RNF38: variants seen among roughly 807,000 people sequenced by gnomAD.
RNF38 encodes the protein E3 ubiquitin-protein ligase RNF38.
Under a neutral mutation model 67.2 loss-of-function variants are expected in RNF38, and 15 were observed. The observed-to-expected ratio is 0.22, with a 90% CI of 0.15 to 0.34. RNF38 has a LOEUF of 0.34. RNF38 is among the 10% of genes least tolerant of loss of function. The pLI is 1.00. For synonymous variants in RNF38, 220 were observed against 218.8 expected (o/e 1.01, Z -0.05); for missense variants, 524 against 639.9 (o/e 0.82, Z 1.95).
chr9:36,369,515 C>A (rs1835218488), intron 4 of RNF38, among the ~76,000 whole-genome samples: 1 of 152,086 alleles, frequency 6.6e-6, no homozygotes, highest in Non-Finnish European at 1.5e-5. Context: ...CCGTGCTGGG[C>A]CGATACTAAT....
At chr9:36,409,291 G>T (rs753606754) in intron 2 of RNF38, among the ~76,000 whole-genome samples, 5 of 145,466 alleles carry the variant, frequency 3.4e-5, no homozygotes, top group Non-Finnish European at 4.6e-5. Flanking sequence ...AGAAAGAAAA[G>T]AAAGAGAGAG....
intron 3 of RNF38, among the ~76,000 whole-genome samples, chr9:36,371,098 T>C (rs760559024): frequency 1.3e-4 from 20 of 152,356 alleles, no homozygotes; most frequent in Non-Finnish European, 2.6e-4. Context: ...TCATTAAAAC[T>C]GTACTCTACA....
intron 1 of RNF38, among the ~76,000 whole-genome samples, chr9:36,440,635 A>G (rs1839172092): frequency 6.6e-6 from 1 of 152,194 alleles, no homozygotes; most frequent in African/African-American, 2.4e-5. Flanking sequence ...CAGAATAAAT[A>G]AATAAGGCCC....
At chr9:36,428,399 C>A (rs1309794247) in intron 1 of RNF38, among the ~76,000 whole-genome samples, 1 of 148,944 alleles carries the variant, frequency 6.7e-6, no homozygotes, top group Non-Finnish European at 1.5e-5. Context: ...GGCAACAGAG[C>A]AAGACCCTGT....
intron 2 of RNF38, among the ~76,000 whole-genome samples, chr9:36,417,030 C>T (rs1469786554): frequency 2.0e-5 from 3 of 151,982 alleles, no homozygotes; most frequent in Non-Finnish European, 4.4e-5. Flanking sequence ...GGGATTACAG[C>T]ACTTTTTGGC....
intron 1 of RNF38, among the ~76,000 whole-genome samples, chr9:36,477,150 C>T (rs1840139293): frequency 6.6e-6 from 1 of 151,312 alleles, no homozygotes; most frequent in South Asian, 2.1e-4. Flanking sequence ...GGTGAAACCC[C>T]ATCTCTACTA....
chr9:36,353,730 T>C (rs992632294), intron 6 of RNF38, among the ~76,000 whole-genome samples: 1 of 152,160 alleles, frequency 6.6e-6, no homozygotes, highest in Non-Finnish European at 1.5e-5. Flanking sequence ...CAAAACAGGA[T>C]GTGCATTTAT....
At chr9:36,382,455 T>G (rs1159927842) in intron 2 of RNF38, among the ~76,000 whole-genome samples, 2 of 152,200 alleles carry the variant, frequency 1.3e-5, no homozygotes, top group African/African-American at 2.4e-5. Context: ...GAGGCAGGCA[T>G]AAGAATGCAT....
chr9:36,366,397 T>C (rs370520995), intron 4 of RNF38, among the ~76,000 whole-genome samples: 1 of 152,192 alleles, frequency 6.6e-6, no homozygotes, highest in East Asian at 1.9e-4. Flanking sequence ...ATATTGCAAC[T>C]GATTAGTATG....
At chr9:36,455,429 C>T (rs1839564641) in intron 1 of RNF38, among the ~76,000 whole-genome samples, 1 of 152,054 alleles carries the variant, frequency 6.6e-6, no homozygotes, top group Non-Finnish European at 1.5e-5. Flanking sequence ...AAGCACAACA[C>T]TAAAAGGAGT....
At position 36,473,488 on chromosome 9, in the gene RNF38, T is replaced by G. The variant is rs190442414; in HGVS notation, n.241+13820A>C. On this transcript the variant is annotated intron_variant and non_coding_transcript_variant, in intron 1 of 3. Coordinates refer to the RNF38 transcript ENST00000488058. ...CTGTAATCCCAGCTACTTGGGAGGC[T>G]GAGGCAGGAGAATTGCTTGAACCTG... is the stretch of plus-strand genomic sequence containing the variant. Among the ~76,000 whole-genome samples the G allele has an allele frequency of 5.5e-3, 837 of 152,238 alleles. 11 individuals are homozygous for G. Among genetic ancestry groups the G allele is most frequent in the African/African-American group, 0.019 (786 of 41,536 alleles).
intron 8 of RNF38, among the ~76,000 whole-genome samples, chr9:36,351,717 C>T (rs1833700677): frequency 6.6e-6 from 1 of 152,174 alleles, no homozygotes; most frequent in African/African-American, 2.4e-5. Flanking sequence ...GGTATAAAAA[C>T]TGTATTTCCT....
chr9:36,378,254 G>A (rs1007972341), intron 2 of RNF38, among the ~76,000 whole-genome samples: 2 of 140,670 alleles, frequency 1.4e-5, no homozygotes, highest in African/African-American at 2.6e-5. Flanking sequence ...TTGGCTCACC[G>A]CAACCTCCGC....
At chr9:36,424,314 T>C (rs1272217990) in intron 2 of RNF38, among the ~76,000 whole-genome samples, 2 of 152,220 alleles carry the variant, frequency 1.3e-5, no homozygotes, top group African/African-American at 4.8e-5. Context: ...CATGTTCGTA[T>C]ATTAAGATAA....
chr9:36,347,543 T>C (rs926382434), intron 9 of RNF38, among the ~76,000 whole-genome samples: 4 of 152,240 alleles, frequency 2.6e-5, no homozygotes, highest in Non-Finnish European at 4.4e-5. Context: ...GACGTTACTA[T>C]TGCACTTGTT....
intron 1 of RNF38, among the ~76,000 whole-genome samples, chr9:36,451,588 C>A (rs1041793111): frequency 1.4e-5 from 2 of 147,542 alleles, no homozygotes; most frequent in African/African-American, 5.0e-5. Flanking sequence ...GCAACCTCCG[C>A]CTCCCAGGTT....
chr9:36,354,128 A>G (rs551805852), intron 6 of RNF38, among the ~76,000 whole-genome samples: 32 of 152,346 alleles, frequency 2.1e-4, no homozygotes, highest in African/African-American at 7.5e-4. Flanking sequence ...TCATCAGCCC[A>G]AAAAGAAACT....
At chr9:36,370,094 T>C (rs1271648738) in intron 3 of RNF38, among the ~76,000 whole-genome samples, 162 bp from the exon 4 acceptor site, 1 of 152,208 alleles carries the variant, frequency 6.6e-6, no homozygotes, top group African/African-American at 2.4e-5. Flanking sequence ...CAAATTTAAA[T>C]ACAAGGTATA....
chr9:36,411,876 A>G (rs1030028487), intron 2 of RNF38, among the ~76,000 whole-genome samples: 19 of 152,064 alleles, frequency 1.2e-4, no homozygotes, highest in African/African-American at 4.3e-4. Context: ...GCCTTACAAA[A>G]GAGTATTATT....
Sources: gnomAD v4.1 joint callset for allele counts (sites outside exome capture counted in the v4.1 genomes callset) on GRCh38, gnomAD v4.1.1 for gene constraint, MANE v1.5 for transcripts, NCBI Gene and HGNC (gene_info 2026-07-23, HGNC 2026-07-21) for gene names.